The following REEP1 variants were observed in gnomAD, a reference collection of about 807,000 sequenced individuals.
REEP1 encodes receptor expression-enhancing protein 1.
In REEP1, 22 loss-of-function variants were observed where a neutral mutation model predicts 40.3. The observed-to-expected ratio is 0.55, with a 90% CI of 0.39 to 0.78. The LOEUF (loss-of-function observed/expected upper bound fraction) is 0.78, where lower values mean the gene tolerates loss of function less well. Ranked by LOEUF, REEP1 falls within the 30% of genes least tolerant of loss-of-function variation. The pLI is 0.00. For missense variants in REEP1, 280 were observed against 361.1 expected (o/e 0.78, Z 1.82); for synonymous variants, 116 against 139.2 (o/e 0.83, Z 1.17).
chr2:86,301,480 A>G (rs1679254085), intron 1 of REEP1, among the ~76,000 whole-genome samples: 2 of 152,228 alleles, frequency 1.3e-5, no homozygotes, highest in South Asian at 4.1e-4. Flanking sequence ...CTCATCTATA[A>G]AAATAACTAA....
chr2:86,247,982 A>T lies in REEP1; in HGVS notation c.417+3975T>A, dbSNP rs192443686. On this transcript the variant is annotated intron_variant, in intron 5 of 8. Transcript: ENST00000538924. ...TTATTAGAGAAAGGACACAGGGCTC[A>T]ACATTATTTTTGAAAGGATTAACTA... Among the ~76,000 whole-genome samples, 117 of 152,340 alleles carry T rather than the reference A, an allele frequency of 7.7e-4. 1 individual carries two copies. Among genetic ancestry groups the T allele is most frequent in the Admixed American group, 6.5e-3 (100 of 15,302 alleles).
intron 1 of REEP1, among the ~76,000 whole-genome samples, chr2:86,285,098 C>T (rs759962565): frequency 3.3e-5 from 5 of 152,244 alleles, no homozygotes; most frequent in Non-Finnish European, 7.3e-5. Flanking sequence ...CCTTCTCCAC[C>T]GGCCTCACTG....
intron 2 of REEP1, among the ~76,000 whole-genome samples, chr2:86,273,280 ACCTT>A (rs1677563695): frequency 7.0e-6 from 1 of 143,860 alleles, no homozygotes; most frequent in Non-Finnish European, 1.5e-5. Context: ...ACTGGCCCCT[ACCTT>A]TTTTTTTTTT....
At chr2:86,277,115 A>G (rs140222270) in intron 2 of REEP1, among the ~76,000 whole-genome samples, 30 of 152,292 alleles carry the variant, frequency 2.0e-4, no homozygotes, top group African/African-American at 7.2e-4. Context: ...AATAGATGAT[A>G]AAGGGGCTTA....
chr2:86,244,378 A>G (rs1360400359), intron 5 of REEP1, among the ~76,000 whole-genome samples: 1 of 151,956 alleles, frequency 6.6e-6, no homozygotes, highest in Non-Finnish European at 1.5e-5. Flanking sequence ...AAAGAGTGGG[A>G]AAATTTTTTT....
At chr2:86,291,096 C>G (rs771185101) in intron 1 of REEP1, among the ~76,000 whole-genome samples, 22 of 152,160 alleles carry the variant, frequency 1.4e-4, no homozygotes, top group Non-Finnish European at 2.6e-4. Context: ...AATTGAGTCT[C>G]ACAATTAGGG....
At chr2:86,310,932 G>T (rs1166338796) in intron 1 of REEP1, among the ~76,000 whole-genome samples, 2 of 152,178 alleles carry the variant, frequency 1.3e-5, no homozygotes, top group African/African-American at 4.8e-5. Context: ...AGCTATGTAG[G>T]TCATTGTCCA....
chr2:86,242,739 G>A (rs1055517722), intron 5 of REEP1, among the ~76,000 whole-genome samples: 4 of 152,128 alleles, frequency 2.6e-5, no homozygotes, highest in South Asian at 2.1e-4. Context: ...GATCAGGGTC[G>A]GACTGTACAG....
chr2:86,214,303 C>G lies in REEP1; in HGVS notation c.*2736G>C, dbSNP rs992747713. On this transcript the variant is annotated 3_prime_UTR_variant, in exon 9 of 9. Transcript: ENST00000538924. ...CAAAGATGGTCATGGTTGACAAGCA[C>G]TCTTATCACAAACACATGGATAGCT... The G allele has an allele frequency of 6.6e-6, 1 of 152,664 alleles. No homozygotes were observed. The highest frequency in any genetic ancestry group is 2.4e-5 in the African/African-American group (1 of 41,436). 9.5% of individuals were successfully genotyped at this position (152,664 alleles called of 1,614,324 possible). A position where few individuals can be genotyped will look rare whatever the true frequency, so the allele number is the denominator to read the frequency against.
intron 1 of REEP1, among the ~76,000 whole-genome samples, chr2:86,299,295 T>G (rs1041127278): frequency 1.3e-5 from 2 of 152,156 alleles, no homozygotes; most frequent in Non-Finnish European, 2.9e-5. Flanking sequence ...ACTACTGACA[T>G]TTGGGGCCAG....
At chr2:86,334,920 A>C (rs921342581) in intron 1 of REEP1, among the ~76,000 whole-genome samples, 4 of 152,204 alleles carry the variant, frequency 2.6e-5, no homozygotes. Flanking sequence ...CATGAGGTTA[A>C]CTAGCTGTGG....
chr2:86,236,970 G>A (rs1027721615), intron 5 of REEP1, among the ~76,000 whole-genome samples: 2 of 152,138 alleles, frequency 1.3e-5, no homozygotes, highest in African/African-American at 2.4e-5. Context: ...TCCTGACCTC[G>A]TAATCCGCCC....
intron 2 of REEP1, among the ~76,000 whole-genome samples, chr2:86,266,609 G>A (rs1354254259): frequency 1.3e-5 from 2 of 151,458 alleles, no homozygotes; most frequent in African/African-American, 4.9e-5. Flanking sequence ...CTGGGCGACA[G>A]AGCGAGACTC....
At chr2:86,256,327 G>A (rs1185123468) in intron 3 of REEP1, among the ~76,000 whole-genome samples, 4 of 138,856 alleles carry the variant, frequency 2.9e-5, no homozygotes, top group African/African-American at 8.3e-5. Flanking sequence ...TAGCCTGGGC[G>A]ACAGAGCAAG....
chr2:86,316,502 C>A (rs1436190260), intron 1 of REEP1, among the ~76,000 whole-genome samples: 2 of 137,888 alleles, frequency 1.5e-5, no homozygotes, highest in Non-Finnish European at 3.0e-5. Context: ...GAGCCGAGAT[C>A]GTGCCATTGC....
chr2:86,283,577 G>A (rs984037457), intron 1 of REEP1, among the ~76,000 whole-genome samples: 1 of 152,200 alleles, frequency 6.6e-6, no homozygotes, highest in Non-Finnish European at 1.5e-5. Flanking sequence ...GCTTTACCAT[G>A]AGCACTGTTG....
intron 1 of REEP1, among the ~76,000 whole-genome samples, chr2:86,319,806 T>G (rs1680200950): frequency 6.6e-6 from 1 of 152,202 alleles, no homozygotes; most frequent in Admixed American, 6.5e-5. Flanking sequence ...CCAATATGAC[T>G]AGTGTCCTTA....
At chr2:86,264,880 T>C (rs1677058699) in intron 2 of REEP1, among the ~76,000 whole-genome samples, 1 of 152,186 alleles carries the variant, frequency 6.6e-6, no homozygotes, top group African/African-American at 2.4e-5. Flanking sequence ...TTAGTACAAG[T>C]CAGTGCGGCT....
Position 86,323,970 on chromosome 2 carries a change from A to G in REEP1, c.32+13509T>C, listed in dbSNP as rs567575835. Among the ~76,000 whole-genome samples the G allele has an allele frequency of 4.6e-5, 7 of 152,270 alleles. No homozygotes were observed. The East Asian group carries it at 1.4e-3, about 29-fold the overall frequency. On this transcript the variant is annotated intron_variant, in intron 1 of 8. Transcript: ENST00000538924. ...CTGGCTTTTCATGTGAAGAAAAAAG[A>G]AAAAAAGAAAAAAAATTAGACTGCT...
Sources: gnomAD v4.1 joint callset for allele counts (sites outside exome capture counted in the v4.1 genomes callset) on GRCh38, gnomAD v4.1.1 for gene constraint, MANE v1.5 for transcripts, NCBI Gene and HGNC (gene_info 2026-07-23, HGNC 2026-07-21) for gene names.